PDXDC1: variants seen among roughly 807,000 people sequenced by gnomAD.
PDXDC1 encodes the protein pyridoxal-dependent decarboxylase domain-containing protein 1.
PDXDC1 carries 42 observed loss-of-function variants against 100.1 expected under a neutral mutation model. The ratio of observed to expected loss-of-function variants is 0.42; its 90% confidence interval spans 0.33 to 0.54. PDXDC1 has a LOEUF of 0.54. PDXDC1 is among the 20% of genes least tolerant of loss of function. The pLI is 0.10. For synonymous variants in PDXDC1, 260 were observed against 371.7 expected (o/e 0.70, Z 3.46); for missense variants, 636 against 979.2 (o/e 0.65, Z 4.68).
intron 3 of PDXDC1, among the ~76,000 whole-genome samples, chr16:14,999,265 C>G (rs61218572): frequency 1.3e-5 from 2 of 152,066 alleles, no homozygotes; most frequent in Non-Finnish European, 2.9e-5. Context: ...CGGGGTTTCA[C>G]CATGTTGGCC....
chr16:15,094,526 C>G (rs759728776), intron 16 of PDXDC1: 12 of 501,386 alleles, frequency 2.4e-5, no homozygotes, highest in Non-Finnish European at 3.8e-5. Flanking sequence ...CCTGGATGTG[C>G]TAAGCTGTGG....
At chr16:15,080,211 C>G in intron 16 of PDXDC1, 2 of 1,285,224 alleles carry the variant, frequency 1.6e-6, no homozygotes, top group Non-Finnish European at 2.1e-6. Context: ...AAGAAAAAAA[C>G]AGACTATCCA....
intron 16 of PDXDC1, among the ~76,000 whole-genome samples, chr16:15,088,541 T>A (rs2045997073): frequency 2.6e-5 from 4 of 151,952 alleles, no homozygotes; most frequent in Non-Finnish European, 5.9e-5. Context: ...ATACCAAGAA[T>A]GAGAACTGCT....
In PDXDC1 at chr16:15,131,505, C is replaced by T. The variant is rs548474495; in HGVS notation, c.1400-7374C>T. 45 of 1,608,010 alleles carry T rather than the reference C, an allele frequency of 2.8e-5. No individual in the cohort carries two copies. In the East Asian group the frequency reaches 3.8e-4, roughly 14 times the overall value. Reference sequence around the variant, plus strand: ...CATAGCACAGCAGGCTCCGCGGGTCCGAGCGCTTGCCCTGGGCCACGATCT... The same window carrying T: ...CATAGCACAGCAGGCTCCGCGGGTCTGAGCGCTTGCCCTGGGCCACGATCT... On this transcript the variant is annotated intron_variant, in intron 16 of 16. Transcript: ENST00000535621.
chr16:15,125,555 T>C, intron 16 of PDXDC1: 1 of 1,574,558 alleles, frequency 6.4e-7, no homozygotes, highest in Non-Finnish European at 8.7e-7. Context: ...ACCCACCTCT[T>C]AGAATCATCC....
chr16:14,989,105 G>A, intron 1 of PDXDC1: 1 of 1,614,282 alleles, frequency 6.2e-7, no homozygotes, highest in Non-Finnish European at 8.5e-7. Flanking sequence ...GCCTGTGGGT[G>A]TCAGTGATCT....
intron 16 of PDXDC1, among the ~76,000 whole-genome samples, chr16:15,110,196 C>G (rs534785001): frequency 4.7e-5 from 7 of 148,450 alleles, no homozygotes; most frequent in Admixed American, 6.7e-5. Flanking sequence ...AATGCCAGTA[C>G]TAGCAACTCC....
chr16:15,100,025 A>T (rs146744520), intron 16 of PDXDC1, among the ~76,000 whole-genome samples: 1 of 152,218 alleles, frequency 6.6e-6, no homozygotes, highest in Non-Finnish European at 1.5e-5. Context: ...AGAATTTATC[A>T]TTGGCCAATT....
chr16:15,129,106 A>G (rs1256637020), intron 16 of PDXDC1, among the ~76,000 whole-genome samples: 1 of 151,510 alleles, frequency 6.6e-6, no homozygotes, highest in Non-Finnish European at 1.5e-5. Flanking sequence ...CGCCCGGCCG[A>G]CAGTTTTTAA....
chr16:15,032,753 C>A (rs1402129422), intron 17 of PDXDC1, 108 bp from the exon 18 acceptor site: 1 of 709,296 alleles, frequency 1.4e-6, no homozygotes, highest in Non-Finnish European at 2.5e-6. Context: ...CTCTTTTGCC[C>A]ACTGGTTCCA....
At chr16:15,039,114 C>T (rs1180880814), downstream of PDXDC1, among the ~76,000 whole-genome samples, 1 of 152,220 alleles carries the variant, frequency 6.6e-6, no homozygotes, top group African/African-American at 2.4e-5. Context: ...ACAGTGCCTG[C>T]TGCCCCATCA....
At chr16:15,082,442 A>G (rs903209751) in intron 16 of PDXDC1, among the ~76,000 whole-genome samples, 1 of 151,918 alleles carries the variant, frequency 6.6e-6, no homozygotes, top group Non-Finnish European at 1.5e-5. Flanking sequence ...CGAGGTGGAG[A>G]CGGGTAGATC....
chr16:15,019,430 G>C (rs1461884256), intron 12 of PDXDC1, among the ~76,000 whole-genome samples: 1 of 152,288 alleles, frequency 6.6e-6, no homozygotes, highest in Non-Finnish European at 1.5e-5. Flanking sequence ...TCCATTTTAG[G>C]TGTGTTCTAA....
intron 16 of PDXDC1, among the ~76,000 whole-genome samples, chr16:15,062,170 A>T (rs1238776745): frequency 1.3e-5 from 2 of 151,952 alleles, no homozygotes; most frequent in Non-Finnish European, 2.9e-5. Flanking sequence ...AACAGAACAA[A>T]AGCTCCCTCT....
At chr16:15,064,937 CG>C (rs1309573062) in intron 16 of PDXDC1, among the ~76,000 whole-genome samples, 7 of 152,132 alleles carry the variant, frequency 4.6e-5, no homozygotes, top group African/African-American at 1.7e-4. Context: ...GAGGCCGAGG[CG>C]GGCGGATCAC....
At chr16:15,111,627 G>C (rs1000431873) in intron 16 of PDXDC1, among the ~76,000 whole-genome samples, 10 of 146,276 alleles carry the variant, frequency 6.8e-5, no homozygotes, top group Middle Eastern at 3.4e-3. Flanking sequence ...GCATGGTGGC[G>C]CACGCCTGTA....
At chr16:14,991,265 ATATGTGTGTGTGTGTGTG>A (rs1434369949) in intron 1 of PDXDC1, among the ~76,000 whole-genome samples, 4 of 137,826 alleles carry the variant, frequency 2.9e-5, no homozygotes, top group African/African-American at 1.1e-4. Flanking sequence ...ATGTATATAG[ATATGTGTGTGTGTGTGTG>A]TGTGTGTGTG....
the PDXDC1 span, among the ~76,000 whole-genome samples, chr16:15,144,651 CTG>C: frequency 2.0e-5 from 3 of 152,238 alleles, no homozygotes; most frequent in African/African-American, 7.2e-5. Flanking sequence ...CATGGCTCAA[CTG>C]TTCCCAGGAT....
intron 12 of PDXDC1, among the ~76,000 whole-genome samples, chr16:15,020,276 A>T (rs1272494786): frequency 6.6e-6 from 1 of 152,290 alleles, no homozygotes; most frequent in Non-Finnish European, 1.5e-5. Context: ...AGGAACGAAT[A>T]CAGGTAGAGC....
Sources: gnomAD v4.1 joint callset for allele counts (sites outside exome capture counted in the v4.1 genomes callset) on GRCh38, gnomAD v4.1.1 for gene constraint, MANE v1.5 for transcripts, NCBI Gene and HGNC (gene_info 2026-07-23, HGNC 2026-07-21) for gene names.